LCMT2: variants seen among roughly 807,000 people sequenced by gnomAD.
LCMT2 encodes leucine carboxyl methyltransferase 2.
Under a neutral mutation model 42.0 loss-of-function variants are expected in LCMT2, and 34 were observed. That is an observed-to-expected ratio of 0.81 (90% CI 0.62 to 1.08). The LOEUF (loss-of-function observed/expected upper bound fraction) is 1.08, where lower values mean the gene tolerates loss of function less well. LCMT2 is among the 50% of genes least tolerant of loss of function. The pLI is 0.00. For synonymous variants in LCMT2, 445 were observed against 369.5 expected (o/e 1.20, Z -2.34); for missense variants, 1,091 against 889.4 (o/e 1.23, Z -2.88).
In LCMT2 at chr15:43,330,409, C is replaced by G. The variant is rs748001597; in HGVS notation, c.81G>C (p.Leu27=). Residue 27 remains leucine, a synonymous_variant, in exon 1 of 1, where the codon CTG becomes CTC. Transcript: ENST00000305641. ...GGTCCTGCACGTACCCGCGCGCGGC[C>G]AGGGAACGCTTGCTGAGGGCGCTGC... ...NDSSALSKRS[L]AARGYVQDPF... 6.4e-6 allele frequency: 10 copies of G among 1,572,592 alleles called. No homozygotes were observed. The Admixed American group carries it at 1.5e-4, about 23-fold the overall frequency.
Position 43,324,317 on chromosome 15 carries a change from T to C in LCMT2, c.*4112A>G, listed in dbSNP as rs2043106733. 6.6e-6 allele frequency: 1 copy of C among 152,074 alleles called. No homozygotes were observed. The highest frequency in any genetic ancestry group is 6.6e-5 in the Admixed American group (1 of 15,266). 9.4% of individuals were successfully genotyped at this position (152,074 alleles called of 1,614,324 possible). On this transcript the variant is annotated 3_prime_UTR_variant, in exon 1 of 1. Coordinates refer to ENST00000305641, the MANE Select transcript of LCMT2 (RefSeq NM_014793.5). Reference sequence around the variant, plus strand: ...ACTAGACATTATTGGACTGTCCCTATGGTTAAAAACCCACCTAGGCCAGGC... The same window carrying C: ...ACTAGACATTATTGGACTGTCCCTACGGTTAAAAACCCACCTAGGCCAGGC...
Position 43,327,831 on chromosome 15 carries a change from C to T in LCMT2, c.*598G>A, listed in dbSNP as rs2043126029. On this transcript the variant is annotated 3_prime_UTR_variant, in exon 1 of 1. Coordinates refer to ENST00000305641, the MANE Select transcript of LCMT2 (RefSeq NM_014793.5). Reference sequence around the variant, plus strand: ...CTTATAAATCTAAATAAATATGGAACCAATAGCAAAACATTTAAAAAGTAT... The same window carrying T: ...CTTATAAATCTAAATAAATATGGAATCAATAGCAAAACATTTAAAAAGTAT... The T allele has an allele frequency of 6.5e-6, 1 of 153,046 alleles. No homozygotes were observed. The highest frequency in any genetic ancestry group is 6.5e-5 in the Admixed American group (1 of 15,440). 9.5% of individuals were successfully genotyped at this position (153,046 alleles called of 1,614,324 possible).
In LCMT2 at chr15:43,330,376, G is replaced by T. The variant is rs1357140196; in HGVS notation, c.114C>A (p.Ala38=). 1 of 1,589,972 alleles carries T rather than the reference G, an allele frequency of 6.3e-7. No individual in the cohort carries two copies. Among genetic ancestry groups the T allele is most frequent in the Non-Finnish European group, 8.5e-7 (1 of 1,170,212 alleles). ...AARGYVQDPF[A]ALLVPGAARR... ...GCGCCGCGCCCGGAACCAGCAACGCGGCAAAGGGGTCCTGCACGTACCCGC... is the reference window on the plus strand; with the variant it reads ...GCGCCGCGCCCGGAACCAGCAACGCTGCAAAGGGGTCCTGCACGTACCCGC... The change falls in exon 1 of 1, where the codon GCC becomes GCA. Residue 38 remains alanine (A), a synonymous_variant. Coordinates refer to ENST00000305641, the MANE Select transcript of LCMT2 (RefSeq NM_014793.5).
rs757809476 is a variant in LCMT2, at chr15:43,330,235, G to C, written c.255C>G (p.Ile85Met). Residue 85 changes from isoleucine (I) to methionine (M), a missense_variant, in exon 1 of 1, where the codon ATC (isoleucine) becomes ATG (methionine). Ile to Met is a conservative substitution (Grantham distance 10). Coordinates refer to ENST00000305641, the MANE Select transcript of LCMT2 (RefSeq NM_014793.5). ...GAPQAALRAQ[I>M]LSLGAGFDSL... is the part of the protein sequence containing the mutation. ...AGTCGAAGCCAGCGCCGAGAGACAA[G>C]ATCTGCGCGCGAAGCGCGGCCTGGG... 35 of 1,607,376 alleles carry C rather than the reference G, an allele frequency of 2.2e-5. No homozygotes were observed. The South Asian group carries it at 3.6e-4, about 17-fold the overall frequency.
rs1472293683 is a variant in LCMT2 at position 43,327,213 on chromosome 15, G to A, written c.*1216C>T. 1 of 152,190 alleles carries A rather than the reference G, an allele frequency of 6.6e-6. No homozygotes were observed. Among genetic ancestry groups the A allele is most frequent in the African/African-American group, 2.4e-5 (1 of 41,432 alleles). The allele number at this position is 152,190 out of a possible 1,614,324, so 9.4% of individuals were successfully genotyped here. ...CAAGTCAAGATATCCAGTCAGCAGT[G>A]TCCAGTAGAAATTTCTGTAACGATG... On this transcript the variant is annotated 3_prime_UTR_variant, in exon 1 of 1. Coordinates refer to ENST00000305641, the MANE Select transcript of LCMT2 (RefSeq NM_014793.5).
Position 43,329,211 on chromosome 15 carries a change from C to CTGA in LCMT2, c.1276_1278dup (p.Ser426dup), listed in dbSNP as rs1555387719. On this transcript the variant is annotated inframe_insertion, in exon 1 of 1. Transcript: ENST00000305641. ...CCTCCCAGAACCAGAACCCGACTCT[C>CTGA]TGAGAGTCTTGTCATGGTGTGATAA... 76 of 1,613,956 alleles carry CTGA rather than the reference C, an allele frequency of 4.7e-5. No individual in the cohort carries two copies. The highest frequency in any genetic ancestry group is 6.2e-5 in the Non-Finnish European group (73 of 1,180,046).
Position 43,328,590 on chromosome 15 carries a change from CAT to C in LCMT2, c.1898_1899del (p.Tyr633CysfsTer12). 1 of 1,614,142 alleles carries C rather than the reference CAT, an allele frequency of 6.2e-7. No homozygotes were observed. Among genetic ancestry groups the C allele is most frequent in the Middle Eastern group, 1.6e-4 (1 of 6,062 alleles). On this transcript the variant is annotated frameshift_variant, in exon 1 of 1. Coordinates refer to ENST00000305641, the MANE Select transcript of LCMT2 (RefSeq NM_014793.5). LOFTEE classifies it high-confidence loss of function. ...LSSEYQIDTTYVPWPLMLHNH... is the reference protein window; with the variant it reads ...LSSEYQIDTTXVPWPLMLHNH... ...TTGTGTAACATTAATGGCCATGGCA[CAT>C]ATGTTGTGTCAATCTGATACTCAGA... is the stretch of plus-strand genomic sequence containing the variant.
chr15:43,328,746 G>A lies in LCMT2; in HGVS notation c.1744C>T (p.Pro582Ser). ...FLWESVDIQPPITPRYSHTAH... is the reference protein window; with the variant it reads ...FLWESVDIQPSITPRYSHTAH... The stretch of plus-strand genomic sequence containing the variant: ...GTGTGGGAGTACCTTGGGGTAATGG[G>A]AGGCTGGATGTCTACTGACTCCCAG... Residue 582 changes from proline to serine, a missense_variant, in exon 1 of 1, where the codon CCC (proline) becomes TCC (serine). Coordinates refer to ENST00000305641, the MANE Select transcript of LCMT2 (RefSeq NM_014793.5). The A allele has an allele frequency of 6.2e-7, 1 of 1,613,846 alleles. No individual in the cohort carries two copies. Among genetic ancestry groups the A allele is most frequent in the Non-Finnish European group, 8.5e-7 (1 of 1,180,038 alleles).
rs2043126200 is a variant in LCMT2 at position 43,327,866 on chromosome 15, G to A, written c.*563C>T. ...AACATTTAAAAAGTATGTTGGTAAAGGAAGTCCTACAAGTGTTTCCTGTTG... is the reference window on the plus strand; with the variant it reads ...AACATTTAAAAAGTATGTTGGTAAAAGAAGTCCTACAAGTGTTTCCTGTTG... On this transcript the variant is annotated 3_prime_UTR_variant, in exon 1 of 1. Coordinates refer to ENST00000305641, the MANE Select transcript of LCMT2 (RefSeq NM_014793.5). 1.3e-5 allele frequency: 2 copies of A among 153,324 alleles called. No individual in the cohort carries two copies. The highest frequency in any genetic ancestry group is 4.8e-5 in the African/African-American group (2 of 41,458). 9.5% of individuals were successfully genotyped at this position (153,324 alleles called of 1,614,324 possible). A position where few individuals can be genotyped will look rare whatever the true frequency, so the allele number is the denominator to read the frequency against.
Position 43,329,908 on chromosome 15 carries a change from G to A in LCMT2, c.582C>T (p.Leu194=). 1 of 1,613,018 alleles carries A rather than the reference G, an allele frequency of 6.2e-7. No homozygotes were observed. Among genetic ancestry groups the A allele is most frequent in the Non-Finnish European group, 8.5e-7 (1 of 1,179,836 alleles). Residue 194 remains leucine, a synonymous_variant, in exon 1 of 1, where the codon CTC becomes CTT. Coordinates refer to ENST00000305641, the MANE Select transcript of LCMT2 (RefSeq NM_014793.5). ...LLLAEAVLTY[L]EPESAAALIA... is the part of the protein sequence containing the mutation. Reference sequence around the variant, plus strand: ...TGAGGGCCGCGGCACTCTCCGGCTCGAGGTAGGTCAGCACCGCCTCGGCCA... The same window carrying A: ...TGAGGGCCGCGGCACTCTCCGGCTCAAGGTAGGTCAGCACCGCCTCGGCCA...
Position 43,328,878 on chromosome 15 carries a change from T to G in LCMT2, c.1612A>C (p.Ser538Arg). Residue 538 changes from serine to arginine, a missense_variant, in exon 1 of 1, where the codon AGT becomes CGT. By Grantham distance (110) the Ser-to-Arg change is moderately radical (BLOSUM62 -1). Coordinates refer to ENST00000305641, the MANE Select transcript of LCMT2 (RefSeq NM_014793.5). ...GEVPEARHSHSACTWQGGALI... is the reference protein window; with the variant it reads ...GEVPEARHSHRACTWQGGALI... ...GCTCCCCCTTGCCAAGTGCAGGCAC[T>G]GTGAGAATGCCGGGCTTCAGGTACT... 1 of 1,613,894 alleles carries G rather than the reference T, an allele frequency of 6.2e-7. No homozygotes were observed. The highest frequency in any genetic ancestry group is 8.5e-7 in the Non-Finnish European group (1 of 1,180,012).
rs1286155700 is a variant in LCMT2, at chr15:43,330,260, G to T, written c.230C>A (p.Pro77His). 1 of 1,603,742 alleles carries T rather than the reference G, an allele frequency of 6.2e-7. No individual in the cohort carries two copies. Among genetic ancestry groups the T allele is most frequent in the Admixed American group, 1.7e-5 (1 of 57,386 alleles). The change falls in exon 1 of 1, where the codon CCC becomes CAC. Residue 77 changes from proline (P) to histidine (H), a missense_variant. Pro to His is a moderately conservative substitution (Grantham distance 77, BLOSUM62 -2). Transcript: ENST00000305641. Reference sequence around the variant, plus strand: ...GATCTGCGCGCGAAGCGCGGCCTGGGGCGCGCCAATCTGCTCCAAAAAAGC... The same window carrying T: ...GATCTGCGCGCGAAGCGCGGCCTGGTGCGCGCCAATCTGCTCCAAAAAAGC... ...VRAFLEQIGA[P>H]QAALRAQILS...
Position 43,328,655 on chromosome 15 carries a change from G to A in LCMT2, c.1835C>T (p.Pro612Leu), listed in dbSNP as rs1351186321. ...GGIWIHSSSF[P>L]GVTVINLTTG... Reference sequence around the variant, plus strand: ...AGTCAAATTGATCACAGTCACTCCAGGAAATGAGGAGGAATGAATCCAGAT... The same window carrying A: ...AGTCAAATTGATCACAGTCACTCCAAGAAATGAGGAGGAATGAATCCAGAT... The change falls in exon 1 of 1, where the codon CCT (proline) becomes CTT (leucine). Residue 612 changes from proline (P) to leucine (L), a missense_variant. Transcript: ENST00000305641. The A allele has an allele frequency of 1.2e-6, 2 of 1,614,206 alleles. No individual in the cohort carries two copies. The highest frequency in any genetic ancestry group is 1.1e-5 in the South Asian group (1 of 91,084).
In LCMT2 at chr15:43,330,354, C is replaced by A; in HGVS notation, c.136G>T (p.Ala46Ser). 1.9e-6 allele frequency: 3 copies of A among 1,603,966 alleles called. No homozygotes were observed. Among genetic ancestry groups the A allele is most frequent in the African/African-American group, 1.3e-5 (1 of 74,544 alleles). ...PFAALLVPGA[A>S]RRAPLIHRGY... is the part of the protein sequence containing the mutation. ...CGGTGAATGAGCGGTGCGCGGCGCGCCGCGCCCGGAACCAGCAACGCGGCA... is the reference window on the plus strand; with the variant it reads ...CGGTGAATGAGCGGTGCGCGGCGCGACGCGCCCGGAACCAGCAACGCGGCA... The change falls in exon 1 of 1, where the codon GCG becomes TCG. Residue 46 changes from alanine to serine, a missense_variant. By Grantham distance (99) the Ala-to-Ser change is moderately conservative. Transcript: ENST00000305641.
chr15:43,329,226 T>C lies in LCMT2; in HGVS notation c.1264A>G (p.Met422Val), dbSNP rs2043144957. The C allele has an allele frequency of 1.9e-6, 3 of 1,613,890 alleles. No individual in the cohort carries two copies. The highest frequency in any genetic ancestry group is 2.7e-5 in the African/African-American group (2 of 74,930). The change falls in exon 1 of 1, where the codon ATG becomes GTG. Residue 422 changes from methionine to valine, a missense_variant. Physicochemically the swap from Met to Val is conservative, Grantham distance 21 (BLOSUM62 1). Transcript: ENST00000305641. ...ACCCGACTCTCTGAGAGTCTTGTCA[T>C]GGTGTGATAAAGGCGTCCATCCCAC... Reference protein sequence around the residue: ...VQWDGRLYHTMTRLSESRVLV... With the variant: ...VQWDGRLYHTVTRLSESRVLV...
rs766895486 is a variant in LCMT2 at position 43,330,198 on chromosome 15, G to GA, written c.291dup (p.Arg98SerfsTer54). 1.9e-6 allele frequency: 3 copies of GA among 1,611,584 alleles called. No individual in the cohort carries two copies. The highest frequency in any genetic ancestry group is 2.5e-6 in the Non-Finnish European group (3 of 1,179,882). ...GCCAGGCGGCCCGCGGTTTTTAAGCGAAAATAGAGCGAGTCGAAGCCAGCG... is the reference window on the plus strand; with the variant it reads ...GCCAGGCGGCCCGCGGTTTTTAAGCGAAAAATAGAGCGAGTCGAAGCCAGCG... On this transcript the variant is annotated frameshift_variant, in exon 1 of 1. Transcript: ENST00000305641. LOFTEE classifies it high-confidence loss of function.
rs71111812 is a variant in LCMT2, at chr15:43,326,034, A to ATTTTTTTTTTTTTTTTTTTTT, written c.*2374_*2394dup. On this transcript the variant is annotated 3_prime_UTR_variant, in exon 1 of 1. Transcript: ENST00000305641. ...CTTTGTATATATAGATAGATGGATAATTTTTTTTTTTTTTTTTTTTTTTTT... is the reference window on the plus strand; with the variant it reads ...CTTTGTATATATAGATAGATGGATAATTTTTTTTTTTTTTTTTTTTTTTTTTTTTTTTTTTTTTTTTTTTTT... 4.3e-5 allele frequency: 3 copies of ATTTTTTTTTTTTTTTTTTTTT among 70,526 alleles called. 1 individual carries two copies. Among genetic ancestry groups the ATTTTTTTTTTTTTTTTTTTTT allele is most frequent in the Non-Finnish European group, 9.2e-5 (3 of 32,448 alleles). The allele number at this position is 70,526 out of a possible 1,614,324, so 4.4% of individuals were successfully genotyped here.
In LCMT2 at chr15:43,324,815, G is replaced by A. The variant is rs1362343628; in HGVS notation, c.*3614C>T. The A allele has an allele frequency of 2.0e-5, 3 of 152,306 alleles. No individual in the cohort carries two copies. Among genetic ancestry groups the A allele is most frequent in the Non-Finnish European group, 2.9e-5 (2 of 68,106 alleles). The allele number at this position is 152,306 out of a possible 1,614,324, so 9.4% of individuals were successfully genotyped here. A position where few individuals can be genotyped will look rare whatever the true frequency, so the allele number is the denominator to read the frequency against. ...AGGGCTGTTTTCCAGGAGATGACAT[G>A]TGGGATAAGTCCCAGGGTAAGCATG... On this transcript the variant is annotated 3_prime_UTR_variant, in exon 1 of 1. Coordinates refer to ENST00000305641, the MANE Select transcript of LCMT2 (RefSeq NM_014793.5).
In LCMT2 at chr15:43,328,990, AC is replaced by A; in HGVS notation, c.1499del (p.Gly500ValfsTer9). The A allele has an allele frequency of 6.2e-7, 1 of 1,613,922 alleles. No homozygotes were observed. The highest frequency in any genetic ancestry group is 1.1e-5 in the South Asian group (1 of 91,076). ...TTAGTACAGGTTCCACCACGCTTCG[AC>A]CCCCATACACAAACAAATATTCCTG... ...QNQEYLFVYG[G>X]RSVVEPVLSD... On this transcript the variant is annotated frameshift_variant, in exon 1 of 1. Coordinates refer to ENST00000305641, the MANE Select transcript of LCMT2 (RefSeq NM_014793.5). LOFTEE classifies it high-confidence loss of function.
Sources: allele counts gnomAD v4.1 joint callset, GRCh38; gene constraint gnomAD v4.1.1; transcripts MANE v1.5; gene names NCBI Gene and HGNC (gene_info 2026-07-23, HGNC 2026-07-21).